The following RYK variants were observed in gnomAD, a reference collection of about 807,000 sequenced individuals.
RYK encodes the protein inactive tyrosine-protein kinase RYK.
RYK carries 21 observed loss-of-function variants against 70.2 expected under a neutral mutation model. The ratio of observed to expected loss-of-function variants is 0.30; its 90% CI spans 0.21 to 0.43. The LOEUF (loss-of-function observed/expected upper bound fraction) is 0.43. Among genes scored for constraint, RYK ranks in the 20% least tolerant of loss-of-function variants. RYK has a pLI of 1.00. For missense variants in RYK, 604 were observed against 753.3 expected, an observed-to-expected ratio of 0.80 and a Z score of 2.32; for synonymous variants, 267 against 278.0, an observed-to-expected ratio of 0.96 and a Z score of 0.39.
At chr3:134,249,917 GTTTTTTTT>G (rs71624038) in intron 1 of RYK, among the ~76,000 whole-genome samples, 22 of 93,336 alleles carry the variant, frequency 2.4e-4, no homozygotes, top group African/African-American at 9.5e-4. Flanking sequence ...TTTCTCTCTC[GTTTTTTTT>G]TTTTTTTTTT....
chr3:134,204,747 G>A (rs368595648), intron 5 of RYK, among the ~76,000 whole-genome samples: 2 of 152,186 alleles, frequency 1.3e-5, no homozygotes, highest in African/African-American at 2.4e-5. Flanking sequence ...ATTTGATCAC[G>A]AGTACTCACA....
At chr3:134,227,047 TC>T (rs1438710350) in intron 1 of RYK, among the ~76,000 whole-genome samples, 1 of 152,180 alleles carries the variant, frequency 6.6e-6, no homozygotes, top group Non-Finnish European at 1.5e-5. Context: ...CACTGTGAAA[TC>T]TACTAAAATA....
chr3:134,172,173 A>G (rs1206789036), intron 13 of RYK, among the ~76,000 whole-genome samples: 4 of 152,366 alleles, frequency 2.6e-5, no homozygotes, highest in Admixed American at 2.0e-4. Context: ...AAATAAAAAA[A>G]TTAACATCCC....
chr3:134,227,177 T>C (rs144132677), intron 1 of RYK, among the ~76,000 whole-genome samples: 20 of 152,190 alleles, frequency 1.3e-4, no homozygotes, highest in Non-Finnish European at 2.4e-4. Context: ...ATCAATACTA[T>C]AACATTAAAA....
chr3:134,205,714 C>T (rs1315722734), intron 5 of RYK, among the ~76,000 whole-genome samples: 1 of 152,212 alleles, frequency 6.6e-6, no homozygotes, highest in African/African-American at 2.4e-5. Flanking sequence ...AGAGCTGTCA[C>T]TGTTCTCAGG....
chr3:134,173,784 T>A (rs959153043), intron 13 of RYK, among the ~76,000 whole-genome samples: 13 of 152,126 alleles, frequency 8.5e-5, no homozygotes, highest in Admixed American at 2.6e-4. Flanking sequence ...GGAAAAAAAA[T>A]TTATTTAGTA....
intron 3 of RYK, among the ~76,000 whole-genome samples, chr3:134,210,345 T>C (rs895169385): frequency 6.6e-6 from 1 of 152,202 alleles, no homozygotes; most frequent in Non-Finnish European, 1.5e-5. Flanking sequence ...TCAACAGAAA[T>C]TGATTTTAAT....
chr3:134,223,456 T>TA (rs776602985), intron 1 of RYK, among the ~76,000 whole-genome samples: 4 of 151,980 alleles, frequency 2.6e-5, no homozygotes, highest in South Asian at 2.1e-4. Context: ...CAGTTACTGT[T>TA]AAAAAAAGAG....
At chr3:134,213,827 C>T (rs373248652) in intron 2 of RYK, among the ~76,000 whole-genome samples, 1 of 151,776 alleles carries the variant, frequency 6.6e-6, no homozygotes, top group Non-Finnish European at 1.5e-5. Flanking sequence ...TTTTTGAGAC[C>T]GAGTCTCACT....
chr3:134,195,237 C>T (rs2013776716), intron 6 of RYK, 55 bp from the exon 7 acceptor site: 5 of 1,336,220 alleles, frequency 3.7e-6, no homozygotes, highest in Non-Finnish European at 5.3e-6. Context: ...TGAGAAATTT[C>T]CTTTTTCCAT....
intron 13 of RYK, among the ~76,000 whole-genome samples, chr3:134,161,690 A>G (rs1229905457): frequency 6.6e-6 from 1 of 152,234 alleles, no homozygotes; most frequent in South Asian, 2.1e-4. Context: ...TAAAATACAA[A>G]TTACCAAAAC....
intron 9 of RYK, among the ~76,000 whole-genome samples, chr3:134,186,373 T>C (rs2013461681): frequency 3.3e-5 from 5 of 152,266 alleles, no homozygotes; most frequent in Admixed American, 3.3e-4. Context: ...ACTGTTTTTT[T>C]ATTTTATGCT....
chr3:134,246,188 C>T (rs930091686), intron 1 of RYK, among the ~76,000 whole-genome samples: 1 of 151,164 alleles, frequency 6.6e-6, no homozygotes, highest in South Asian at 2.1e-4. Context: ...ACCATTCCCC[C>T]CCTCCCACTC....
intron 1 of RYK, among the ~76,000 whole-genome samples, chr3:134,241,755 T>C (rs1223038059): frequency 6.6e-6 from 1 of 152,202 alleles, no homozygotes; most frequent in African/African-American, 2.4e-5. Flanking sequence ...TGGAGTCACA[T>C]AGCCCCACAC....
In RYK at chr3:134,209,696, T is replaced by C. The variant is rs2014329200; in HGVS notation, c.588A>G (p.Lys196=). 4 of 1,459,426 alleles carry C rather than the reference T, an allele frequency of 2.7e-6. No individual in the cohort carries two copies. Among genetic ancestry groups the C allele is most frequent in the Admixed American group, 5.7e-5 (2 of 35,368 alleles). The allele number at this position is 1,459,426 out of a possible 1,614,324, so 90.4% of individuals were successfully genotyped here. A position where few individuals can be genotyped will look rare whatever the true frequency, so the allele number is the denominator to read the frequency against. The change falls in exon 4 of 15, where the codon AAA becomes AAG. Residue 196 remains lysine, a splice_region_variant and synonymous_variant. Coordinates refer to ENST00000623711, the MANE Select transcript of RYK (RefSeq NM_002958.4). Reference sequence around the variant, plus strand: ...TATTTTGGTAAATAAATTCCTTACTTTTGTAGCACATTTTCCTTCGTTTAA... The same window carrying C: ...TATTTTGGTAAATAAATTCCTTACTCTTGTAGCACATTTTCCTTCGTTTAA... ...LNFKRRKMCY[K]KLEEVKTSAL...
chr3:134,220,144 G>C (rs2014693047), intron 2 of RYK, among the ~76,000 whole-genome samples: 1 of 152,108 alleles, frequency 6.6e-6, no homozygotes, highest in Admixed American at 6.5e-5. Context: ...CACAAACTGA[G>C]GGGCATTCTA....
At chr3:134,248,493 A>G (rs1286729161) in intron 1 of RYK, among the ~76,000 whole-genome samples, 2 of 152,240 alleles carry the variant, frequency 1.3e-5, no homozygotes. Context: ...AAAACTTTGC[A>G]GCCTATGTCA....
intron 1 of RYK, among the ~76,000 whole-genome samples, chr3:134,249,131 TC>T (rs975756749): frequency 6.6e-6 from 1 of 152,228 alleles, no homozygotes; most frequent in African/African-American, 2.4e-5. Flanking sequence ...GTATTATTTT[TC>T]CTAAATCTTA....
intron 5 of RYK, among the ~76,000 whole-genome samples, chr3:134,206,479 T>C (rs2014215942): frequency 1.3e-5 from 2 of 152,094 alleles, no homozygotes; most frequent in South Asian, 2.1e-4. Flanking sequence ...CACCCAACAG[T>C]TGTGTAGGCT....
Sources: gnomAD v4.1 joint callset for allele counts (sites outside exome capture counted in the v4.1 genomes callset) on GRCh38, gnomAD v4.1.1 for gene constraint, MANE v1.5 for transcripts, NCBI Gene and HGNC (gene_info 2026-07-23, HGNC 2026-07-21) for gene names.